DYDC2: variants seen among roughly 807,000 people sequenced by gnomAD.
DYDC2 encodes the protein DPY30 domain-containing protein 2.
A neutral mutation model predicts 18.7 loss-of-function variants in DYDC2; 19 were observed. The ratio of observed to expected loss-of-function variants is 1.02; its 90% CI spans 0.71 to 1.49. The LOEUF (loss-of-function observed/expected upper bound fraction) is 1.49. DYDC2 is among the 40% of genes most tolerant of loss of function. DYDC2 has a pLI of 0.00. For synonymous variants in DYDC2, 63 were observed against 67.6 expected (o/e 0.93, Z 0.34); for missense variants, 179 against 205.1 (o/e 0.87, Z 0.78).
At chr10:80,355,595 T>A (rs906208224), upstream of DYDC2, among the ~76,000 whole-genome samples, 2 of 152,130 alleles carry the variant, frequency 1.3e-5, no homozygotes, top group African/African-American at 4.8e-5. Flanking sequence ...TTCATCAAAT[T>A]GGGGATTAAT....
At chr10:80,344,860 C>A in intron 1 of DYDC2, 1 of 173,838 alleles carries the variant, frequency 5.8e-6, no homozygotes, top group Non-Finnish European at 1.2e-5. Context: ...TTGGGTATGT[C>A]TTTATCAGCT....
intron 2 of DYDC2, among the ~76,000 whole-genome samples, chr10:80,361,788 C>A (rs1044931010): frequency 7.9e-5 from 12 of 152,162 alleles, no homozygotes; most frequent in African/African-American, 2.4e-5. Context: ...GCTTCTCTGT[C>A]CCCAACGATT....
chr10:80,352,041 C>A (rs199668374), upstream of DYDC2: 5 of 1,593,600 alleles, frequency 3.1e-6, no homozygotes, highest in African/African-American at 1.3e-5. Flanking sequence ...GACTTCTTAG[C>A]GAGAAAGCAA....
rs187916153 is a variant in DYDC2, at chr10:80,360,210, T to A, written c.-10+2165T>A. Among the ~76,000 whole-genome samples the A allele has an allele frequency of 6.8e-4, 104 of 152,370 alleles. 1 individual carries two copies. The highest frequency in any genetic ancestry group is 2.4e-3 in the African/African-American group (100 of 41,588). ...ATCACTACCCCACTCAATTTTTTTT[T>A]AATTCCCTTACAGGTCTTGGGGTCA... is the stretch of plus-strand genomic sequence containing the variant. On this transcript the variant is annotated intron_variant, in intron 2 of 4. Coordinates refer to ENST00000256039, the MANE Select transcript of DYDC2 (RefSeq NM_032372.6).
chr10:80,363,130 G>T (rs1843714432), intron 4 of DYDC2, 57 bp downstream of exon 4: 1 of 1,564,770 alleles, frequency 6.4e-7, no homozygotes, highest in Admixed American at 1.9e-5. Context: ...TGGACTCCAG[G>T]AAAGCCACAA....
intron 2 of DYDC2, among the ~76,000 whole-genome samples, chr10:80,360,975 G>A (rs1210980947): frequency 6.6e-6 from 1 of 151,746 alleles, no homozygotes; most frequent in Non-Finnish European, 1.5e-5. Flanking sequence ...GTTTTGCCTT[G>A]TTGCCCAGGC....
In DYDC2 at chr10:80,367,930, T is replaced by C. The variant is rs1843886216; in HGVS notation, c.*979T>C. 1 of 114,058 alleles carries C rather than the reference T, an allele frequency of 8.8e-6. No individual in the cohort carries two copies. Among genetic ancestry groups the C allele is most frequent in the Non-Finnish European group, 1.7e-5 (1 of 58,078 alleles). 7.1% of individuals were successfully genotyped at this position (114,058 alleles called of 1,614,324 possible). A position where few individuals can be genotyped will look rare whatever the true frequency, so the allele number is the denominator to read the frequency against. On this transcript the variant is annotated 3_prime_UTR_variant, in exon 5 of 5. Coordinates refer to ENST00000256039, the MANE Select transcript of DYDC2 (RefSeq NM_032372.6). ...ACCATCCGGCTGCAAAACTCTTTCA[T>C]CTTGCAAAACTGAAACTCTACACCC...
chr10:80,357,922 T>C lies in DYDC2; in HGVS notation c.-133T>C. 1.0e-6 allele frequency: 1 copy of C among 985,242 alleles called. No individual in the cohort carries two copies. Among genetic ancestry groups the C allele is most frequent in the Non-Finnish European group, 1.2e-6 (1 of 829,780 alleles). The allele number at this position is 985,242 out of a possible 1,614,324, so 61.0% of individuals were successfully genotyped here. A position where few individuals can be genotyped will look rare whatever the true frequency, so the allele number is the denominator to read the frequency against. ...CCCAGTGTGCCAAGCGTGGGCGGTA[T>C]ACAGTAAACAAAGACAACCCCTATT... is the stretch of plus-strand genomic sequence containing the variant. On this transcript the variant is annotated 5_prime_UTR_variant, in exon 2 of 5. Coordinates refer to ENST00000256039, the MANE Select transcript of DYDC2 (RefSeq NM_032372.6).
At chr10:80,347,292 T>TC in intron 1 of DYDC2, among the ~76,000 whole-genome samples, 2 of 145,472 alleles carry the variant, frequency 1.4e-5, no homozygotes, top group African/African-American at 5.1e-5. Context: ...TTTTTTTTTT[T>TC]TTTTTTTTTT....
chr10:80,358,517 A>G (rs1362334046), intron 2 of DYDC2, among the ~76,000 whole-genome samples: 1 of 152,194 alleles, frequency 6.6e-6, no homozygotes, highest in Non-Finnish European at 1.5e-5. Context: ...ATTGTTGAAA[A>G]TGGGCAATTT....
upstream of DYDC2, chr10:80,352,369 AAAT>A (rs1337767215): frequency 7.3e-7 from 1 of 1,375,994 alleles, no homozygotes; most frequent in African/African-American, 1.5e-5. Context: ...TATAACAGAA[AAAT>A]AATAATGTTA....
rs532913655 is a variant in DYDC2 at position 80,366,987 on chromosome 10, C to T, written c.*36C>T. ...GTAGATGCTTCTGATTTACTTCTCT[C>T]AAAGCTAGAAGCCAAGAAAATGGCC... is the stretch of plus-strand genomic sequence containing the variant. On this transcript the variant is annotated 3_prime_UTR_variant, in exon 5 of 5. Coordinates refer to ENST00000256039, the MANE Select transcript of DYDC2 (RefSeq NM_032372.6). 6 of 1,571,118 alleles carry T rather than the reference C, an allele frequency of 3.8e-6. No individual in the cohort carries two copies. The highest frequency in any genetic ancestry group is 1.8e-4 in the Middle Eastern group (1 of 5,642).
chr10:80,358,528 A>G (rs1175213659), intron 2 of DYDC2, among the ~76,000 whole-genome samples: 1 of 152,192 alleles, frequency 6.6e-6, no homozygotes, highest in Admixed American at 6.5e-5. Flanking sequence ...TGGGCAATTT[A>G]GAGTAGGGGG....
At chr10:80,365,459 A>C (rs1843798718) in intron 4 of DYDC2, among the ~76,000 whole-genome samples, 1 of 152,220 alleles carries the variant, frequency 6.6e-6, no homozygotes, top group Non-Finnish European at 1.5e-5. Context: ...AAACTATACA[A>C]ATGTTTTAGA....
chr10:80,349,328 GATT>G (rs1235192546), intron 1 of DYDC2, among the ~76,000 whole-genome samples: 10 of 152,100 alleles, frequency 6.6e-5, no homozygotes, highest in South Asian at 2.1e-4. Flanking sequence ...TATATTCAGT[GATT>G]ATTATTTGAA....
Position 80,360,945 on chromosome 10 carries a change from G to A in DYDC2, c.-9-1490G>A, listed in dbSNP as rs1181949642. Among the ~76,000 whole-genome samples, 3 of 151,586 alleles carry A rather than the reference G, an allele frequency of 2.0e-5. No individual in the cohort carries two copies. In the East Asian group the frequency reaches 5.8e-4, roughly 29 times the overall value. ...GTGCCATCACACCTGGCTAATTTTT[G>A]TATTTTTTGTGGAGACAGGGTTTTG... is the stretch of plus-strand genomic sequence containing the variant. On this transcript the variant is annotated intron_variant, in intron 2 of 4. Coordinates refer to ENST00000256039, the MANE Select transcript of DYDC2 (RefSeq NM_032372.6).
upstream of DYDC2, chr10:80,352,001 C>T: frequency 6.2e-7 from 1 of 1,613,808 alleles, no homozygotes; most frequent in Non-Finnish European, 8.5e-7. Context: ...TTCCTTTTGT[C>T]TCTAGCATTG....
upstream of DYDC2, among the ~76,000 whole-genome samples, chr10:80,355,020 G>A (rs554503205): frequency 2.2e-4 from 33 of 151,642 alleles, no homozygotes; most frequent in Non-Finnish European, 4.3e-4. Context: ...CCAGACAAGA[G>A]GAGTAGCTGA....
At position 80,348,429 on chromosome 10, in the gene DYDC2, C is replaced by T. The variant is rs994803764; in HGVS notation, c.-310+3614C>T. Among the ~76,000 whole-genome samples the T allele has an allele frequency of 7.2e-5, 11 of 152,334 alleles. No individual in the cohort carries two copies. The East Asian group carries it at 2.1e-3, about 29-fold the overall frequency. ...TCACTCATATGTAAAACTTACACTG[C>T]AGTAAACTCACTTCAACAACAGCTC... On this transcript the variant is annotated intron_variant, in intron 1 of 4. Coordinates refer to the DYDC2 transcript ENST00000372197.
Sources: allele counts gnomAD v4.1 joint callset (sites outside exome capture counted in the v4.1 genomes callset), GRCh38; gene constraint gnomAD v4.1.1; transcripts MANE v1.5; gene names NCBI Gene and HGNC (gene_info 2026-07-23, HGNC 2026-07-21).